The following MAP2K4 variants were observed in gnomAD, a reference collection of about 807,000 sequenced individuals.
MAP2K4 encodes the protein mitogen-activated protein kinase kinase 4.
Under a neutral mutation model 48.5 loss-of-function variants are expected in MAP2K4, and 4 were observed. That is an observed-to-expected ratio of 0.08 (90% confidence interval 0.04 to 0.19). The LOEUF (loss-of-function observed/expected upper bound fraction) is 0.19, where lower values mean the gene tolerates loss of function less well. Ranked by LOEUF, MAP2K4 falls within the 10% of genes least tolerant of loss-of-function variation. The pLI is 1.00. For missense variants in MAP2K4, 258 were observed against 493.3 expected (o/e 0.52, Z 4.52); for synonymous variants, 166 against 173.1 (o/e 0.96, Z 0.32).
intron 2 of MAP2K4, among the ~76,000 whole-genome samples, chr17:12,060,734 T>TGTGTGTGTGTGTGTGTGCGCGC (rs1271175750): frequency 2.0e-5 from 3 of 151,994 alleles, no homozygotes; most frequent in African/African-American, 7.2e-5. Context: ...ATGGGGTGTG[T>TGTGTGTGTGTGTGTGTGCGCGC]GTGTGTGTGT....
chr17:12,113,698 C>A, intron 7 of MAP2K4, among the ~76,000 whole-genome samples: 1 of 152,146 alleles, frequency 6.6e-6, no homozygotes, highest in East Asian at 1.9e-4. Context: ...AAATGGGAAG[C>A]CTTGAGTTCA....
At chr17:12,092,441 T>G (rs1375406517) in intron 3 of MAP2K4, among the ~76,000 whole-genome samples, 1 of 152,222 alleles carries the variant, frequency 6.6e-6, no homozygotes, top group Non-Finnish European at 1.5e-5. Flanking sequence ...CTCACTTGAT[T>G]CAAATGTAGA....
At chr17:12,134,287 G>T (rs1038535280) in intron 9 of MAP2K4, among the ~76,000 whole-genome samples, 71 of 152,084 alleles carry the variant, frequency 4.7e-4, no homozygotes, top group Non-Finnish European at 1.6e-4. Context: ...GTGATTCGGA[G>T]AATTGTACCT....
At chr17:12,027,992 T>G (rs1422862783) in intron 1 of MAP2K4, among the ~76,000 whole-genome samples, 2 of 152,304 alleles carry the variant, frequency 1.3e-5, no homozygotes, top group East Asian at 3.9e-4. Flanking sequence ...AATAATAACC[T>G]GCTTTAGTCC....
At chr17:12,075,453 A>G (rs1209692575) in intron 2 of MAP2K4, among the ~76,000 whole-genome samples, 2 of 152,228 alleles carry the variant, frequency 1.3e-5, no homozygotes, top group African/African-American at 4.8e-5. Context: ...GAAGGTAAAC[A>G]ACAAACTGGG....
chr17:12,069,477 A>G (rs540864266), intron 2 of MAP2K4, among the ~76,000 whole-genome samples: 27 of 152,294 alleles, frequency 1.8e-4, no homozygotes, highest in African/African-American at 5.1e-4. Flanking sequence ...TTCTGTGGTG[A>G]TAAAACATTT....
chr17:12,110,272 A>G (rs1972260583), intron 5 of MAP2K4, 103 bp from the exon 6 acceptor site: 1 of 753,140 alleles, frequency 1.3e-6, no homozygotes, highest in Non-Finnish European at 2.3e-6. Context: ...TAAGCTTAAA[A>G]TGTATGCAGA....
rs1330396821 is a variant in MAP2K4 at position 12,142,333 on chromosome 17, A to G, written c.*1073A>G. The G allele has an allele frequency of 4.3e-6, 1 of 233,332 alleles. No homozygotes were observed. Among genetic ancestry groups the G allele is most frequent in the East Asian group, 6.0e-5 (1 of 16,594 alleles). The allele number at this position is 233,332 out of a possible 1,614,324, so 14.5% of individuals were successfully genotyped here. ...AAATCTCAGTTGTTTGCTTCTTGCCATCACTGGTCCAGGTCTTCAGTTTCC... is the reference window on the plus strand; with the variant it reads ...AAATCTCAGTTGTTTGCTTCTTGCCGTCACTGGTCCAGGTCTTCAGTTTCC... On this transcript the variant is annotated 3_prime_UTR_variant, in exon 11 of 11. Transcript: ENST00000353533.
At chr17:12,022,023 C>G (rs931498084) in intron 1 of MAP2K4, among the ~76,000 whole-genome samples, 1 of 152,206 alleles carries the variant, frequency 6.6e-6, no homozygotes, top group Non-Finnish European at 1.5e-5. Context: ...ACTCTCTTGA[C>G]AACTTTAGCA....
chr17:12,036,112 ATTC>A (rs1476911054), intron 1 of MAP2K4, among the ~76,000 whole-genome samples: 7 of 152,332 alleles, frequency 4.6e-5, no homozygotes, highest in African/African-American at 1.4e-4. Context: ...GCATTTATCT[ATTC>A]TTCAGTTTAT....
chr17:12,057,257 A>C (rs1306722620), intron 2 of MAP2K4, among the ~76,000 whole-genome samples: 6 of 152,188 alleles, frequency 3.9e-5, no homozygotes, highest in Non-Finnish European at 7.4e-5. Flanking sequence ...TAGAAAACCT[A>C]CTTGATTAAA....
intron 3 of MAP2K4, chr17:12,082,115 T>C (rs930056387): frequency 3.3e-6 from 1 of 302,226 alleles, no homozygotes; most frequent in South Asian, 2.8e-5. Flanking sequence ...TTTGTCCTTA[T>C]TGTGTCGTGC....
chr17:12,097,074 T>C (rs1004856601), intron 4 of MAP2K4, among the ~76,000 whole-genome samples: 2 of 152,222 alleles, frequency 1.3e-5, no homozygotes, highest in African/African-American at 2.4e-5. Flanking sequence ...ACCTAAATAT[T>C]ATGTAATGTT....
chr17:12,111,197 G>A (rs2151575865), intron 6 of MAP2K4, among the ~76,000 whole-genome samples: 1 of 152,230 alleles, frequency 6.6e-6, no homozygotes, highest in South Asian at 2.1e-4. Context: ...GGAAAGTAAA[G>A]GGTCAAAATG....
At chr17:12,025,831 A>G (rs1969236129) in intron 1 of MAP2K4, among the ~76,000 whole-genome samples, 1 of 152,246 alleles carries the variant, frequency 6.6e-6, no homozygotes, top group Admixed American at 6.5e-5. Flanking sequence ...TAAAATGTAT[A>G]TGAAATGTCC....
At chr17:12,057,282 A>G (rs1267178362) in intron 2 of MAP2K4, among the ~76,000 whole-genome samples, 1 of 152,238 alleles carries the variant, frequency 6.6e-6, no homozygotes, top group Non-Finnish European at 1.5e-5. Context: ...TCCCAGAAGA[A>G]CAAGATTTTA....
chr17:12,033,606 C>T (rs1414653420), intron 1 of MAP2K4, among the ~76,000 whole-genome samples: 1 of 152,036 alleles, frequency 6.6e-6, no homozygotes, highest in Non-Finnish European at 1.5e-5. Flanking sequence ...ATATGATTTC[C>T]TGCTCATAGT....
intron 9 of MAP2K4, among the ~76,000 whole-genome samples, chr17:12,131,984 C>A (rs1232305351): frequency 1.3e-5 from 2 of 152,214 alleles, no homozygotes; most frequent in Non-Finnish European, 2.9e-5. Flanking sequence ...TTACTGCATT[C>A]ATTCTGCATT....
Position 12,101,440 on chromosome 17 carries a change from T to C in MAP2K4, c.513+5746T>C, listed in dbSNP as rs558317733. Among the ~76,000 whole-genome samples the C allele has an allele frequency of 3.0e-4, 46 of 152,228 alleles. 1 individual carries two copies. In the South Asian group the frequency reaches 9.3e-3, roughly 31 times the overall value. ...AAGTCTTCAGATTTGAGAGTGTTGG[T>C]CCTTAAACTTTGTTCTTTTAAAAGT... On this transcript the variant is annotated intron_variant, in intron 4 of 10. Transcript: ENST00000353533.
Sources: gnomAD v4.1 joint callset for allele counts (sites outside exome capture counted in the v4.1 genomes callset) on GRCh38, gnomAD v4.1.1 for gene constraint, MANE v1.5 for transcripts, NCBI Gene and HGNC (gene_info 2026-07-23, HGNC 2026-07-21) for gene names.